OPHN1: variants seen among roughly 807,000 people sequenced by gnomAD.
OPHN1 encodes the protein oligophrenin-1.
A neutral mutation model predicts 60.7 loss-of-function variants in OPHN1; 11 were observed. The ratio of observed to expected loss-of-function variants is 0.18; its 90% CI spans 0.11 to 0.30. The LOEUF is 0.30. Ranked by LOEUF, OPHN1 falls within the 10% of genes least tolerant of loss-of-function variation. The probability of loss-of-function intolerance (pLI) is 1.00; values close to 1 mark genes in which losing one functional copy is unlikely to be tolerated. For missense variants in OPHN1, 449 were observed against 611.0 expected (o/e 0.73, Z 2.80); for synonymous variants, 226 against 222.6 (o/e 1.02, Z -0.14).
chrX:68,372,518 A>G (rs1358198590), intron 2 of OPHN1, among the ~76,000 whole-genome samples: 1 of 111,532 alleles, frequency 9.0e-6, no homozygotes, highest in Non-Finnish European at 1.9e-5. Context: ...CATGAATAAT[A>G]ATCCCTGTCC....
chrX:68,313,132 A>C (rs2078182039), intron 2 of OPHN1, among the ~76,000 whole-genome samples: 1 of 111,410 alleles, frequency 9.0e-6, no homozygotes. Context: ...ATAAGAAAGA[A>C]AGGAAAGGAA....
chrX:68,329,625 A>T (rs1289751169), intron 2 of OPHN1, among the ~76,000 whole-genome samples: 1 of 111,854 alleles, frequency 8.9e-6, no homozygotes, highest in Non-Finnish European at 1.9e-5. Flanking sequence ...GAGCTAAATA[A>T]GCCTCTTGCC....
At chrX:68,201,171 G>C (rs1360576231) in intron 11 of OPHN1, among the ~76,000 whole-genome samples, 1 of 111,378 alleles carries the variant, frequency 9.0e-6, no homozygotes, top group Admixed American at 9.6e-5. Context: ...GCACCAAATG[G>C]GGGGAAATGA....
intron 2 of OPHN1, among the ~76,000 whole-genome samples, chrX:68,307,864 T>A (rs1341768059): frequency 8.9e-6 from 1 of 111,843 alleles, no homozygotes; most frequent in Admixed American, 9.5e-5. Context: ...CAACTCTAAT[T>A]CTAAAGCAGA....
At chrX:68,208,793 G>A (rs1402864173) in intron 9 of OPHN1, among the ~76,000 whole-genome samples, 1 of 111,880 alleles carries the variant, frequency 8.9e-6, no homozygotes, top group Non-Finnish European at 1.9e-5. Flanking sequence ...GACATTTTAG[G>A]TTGTCACACC....
intron 7 of OPHN1, among the ~76,000 whole-genome samples, chrX:68,212,678 C>T (rs1602238935): frequency 8.9e-6 from 1 of 112,582 alleles, no homozygotes; most frequent in Non-Finnish European, 1.9e-5. Context: ...AACCAGTCTA[C>T]ACATCACTGT....
At chrX:68,146,911 T>C (rs1474558848) in intron 15 of OPHN1, among the ~76,000 whole-genome samples, 1 of 112,183 alleles carries the variant, frequency 8.9e-6, no homozygotes, top group Non-Finnish European at 1.9e-5. Context: ...CACAAGTCTG[T>C]GTACATATAT....
chrX:68,237,281 G>A (rs764662204), intron 5 of OPHN1, among the ~76,000 whole-genome samples: 48 of 112,584 alleles, frequency 4.3e-4, no homozygotes, highest in South Asian at 1.8e-3. Flanking sequence ...CACAACGCCC[G>A]GCCTGTAGTA....
At chrX:68,412,568 T>C in intron 2 of OPHN1, among the ~76,000 whole-genome samples, 1 of 111,948 alleles carries the variant, frequency 8.9e-6, no homozygotes, top group East Asian at 2.8e-4. Flanking sequence ...GTGGTGGTGA[T>C]GGTTATACAA....
chrX:68,289,231 A>T (rs2078059351), intron 3 of OPHN1, among the ~76,000 whole-genome samples: 1 of 111,735 alleles, frequency 8.9e-6, no homozygotes, highest in Non-Finnish European at 1.9e-5. Context: ...TTCCTCAATA[A>T]TGTTTACCAA....
At chrX:68,297,952 A>T (rs2078103245) in intron 3 of OPHN1, among the ~76,000 whole-genome samples, 1 of 111,920 alleles carries the variant, frequency 8.9e-6, no homozygotes, top group Non-Finnish European at 1.9e-5. Flanking sequence ...TCTGTGCAGG[A>T]ATATCTTCCT....
chrX:68,049,461 G>T lies in OPHN1; in HGVS notation c.2376-1004C>A, dbSNP rs1157116884. 6.3e-5 allele frequency among the ~76,000 whole-genome samples: 7 copies of T among 111,256 alleles called. No homozygotes were observed. The East Asian group carries it at 2.0e-3, about 32-fold the overall frequency. ...GTTCCATGTTTGAAAATGTAGCAAG[G>T]TCTTATTGAGTCTTTCTCAAATCTG... On this transcript the variant is annotated intron_variant, in intron 23 of 24. Coordinates refer to ENST00000355520, the MANE Select transcript of OPHN1 (RefSeq NM_002547.3).
chrX:68,171,038 G>C (rs1414882932), intron 15 of OPHN1, among the ~76,000 whole-genome samples: 13 of 111,028 alleles, frequency 1.2e-4, no homozygotes, highest in Non-Finnish European at 2.5e-4. Context: ...TAGAAAGAAT[G>C]AACAGACTTA....
chrX:68,313,394 T>C (rs1011703680), intron 2 of OPHN1, among the ~76,000 whole-genome samples: 1 of 112,079 alleles, frequency 8.9e-6, no homozygotes, highest in African/African-American at 3.2e-5. Flanking sequence ...GCACTCTAAG[T>C]GTCCATCAAC....
chrX:68,274,806 G>T lies in OPHN1; in HGVS notation c.316C>A (p.His106Asn). The T allele has an allele frequency of 1.7e-6, 2 of 1,194,940 alleles. No individual in the cohort carries two copies. Among genetic ancestry groups the T allele is most frequent in the South Asian group, 1.8e-5 (1 of 56,406 alleles). The change falls in exon 5 of 25, where the codon CAC (histidine) becomes AAC (asparagine). Residue 106 changes from histidine (H) to asparagine (N), a missense_variant. His to Asn is a moderately conservative substitution (Grantham distance 68). Transcript: ENST00000355520. ...TTAATCAGCAAATCACTAGCATTGT[G>T]TACCTAGACAAAAAGGAAAAACAAA... ...EVENERMMMV[H>N]NASDLLIKPL...
intron 9 of OPHN1, among the ~76,000 whole-genome samples, chrX:68,208,658 G>A (rs1205109633): frequency 8.9e-6 from 1 of 112,008 alleles, no homozygotes; most frequent in African/African-American, 3.2e-5. Flanking sequence ...ATTCAACTGA[G>A]TAGCAATGTT....
At chrX:68,400,760 C>A (rs898705608) in intron 2 of OPHN1, among the ~76,000 whole-genome samples, 2 of 109,166 alleles carry the variant, frequency 1.8e-5, no homozygotes, top group Non-Finnish European at 3.8e-5. Flanking sequence ...CACCACCATG[C>A]CTGGCTGATT....
chrX:68,357,023 T>C (rs1303688327), intron 2 of OPHN1, among the ~76,000 whole-genome samples: 2 of 111,297 alleles, frequency 1.8e-5, no homozygotes, highest in African/African-American at 6.5e-5. Context: ...TGAGGCTTCT[T>C]TTTAGGGTGA....
At chrX:68,406,481 G>A (rs1012648508) in intron 2 of OPHN1, among the ~76,000 whole-genome samples, 1 of 109,630 alleles carries the variant, frequency 9.1e-6, no homozygotes, top group African/African-American at 3.3e-5. Flanking sequence ...GCATAGTGGC[G>A]GGCACCTGTA....
Sources: gnomAD v4.1 joint callset for allele counts (sites outside exome capture counted in the v4.1 genomes callset) on GRCh38, gnomAD v4.1.1 for gene constraint, MANE v1.5 for transcripts, NCBI Gene and HGNC (gene_info 2026-07-23, HGNC 2026-07-21) for gene names.